Variants in RBFOX1 observed in about 807,000 individuals in gnomAD.
The protein encoded by RBFOX1 is RNA binding fox-1 homolog 1.
Under a neutral mutation model 57.7 loss-of-function variants are expected in RBFOX1, and 8 were observed. The ratio of observed to expected loss-of-function variants is 0.14; its 90% confidence interval spans 0.08 to 0.25. The LOEUF (loss-of-function observed/expected upper bound fraction) is 0.25, where lower values mean the gene tolerates loss of function less well. Among genes scored for constraint, RBFOX1 ranks in the 10% least tolerant of loss-of-function variants. RBFOX1 has a pLI of 1.00. For missense variants in RBFOX1, 611 were observed against 548.5 expected, an observed-to-expected ratio of 1.11 and a Z score of -1.14; for synonymous variants, 326 against 222.4, an observed-to-expected ratio of 1.47 and a Z score of -4.15.
At chr16:6,825,151 C>T (rs1408346760) in intron 3 of RBFOX1, among the ~76,000 whole-genome samples, 1 of 151,294 alleles carries the variant, frequency 6.6e-6, no homozygotes, top group African/African-American at 2.4e-5. Context: ...CCTCACTCAG[C>T]ACCCTTGGCG....
intron 4 of RBFOX1, among the ~76,000 whole-genome samples, chr16:7,401,506 G>T (rs915647905): frequency 1.3e-5 from 2 of 152,086 alleles, no homozygotes; most frequent in African/African-American, 2.4e-5. Flanking sequence ...GATTAGGTAG[G>T]TAAAAAATAG....
chr16:6,953,320 C>G (rs903765950), intron 3 of RBFOX1, among the ~76,000 whole-genome samples: 1 of 152,106 alleles, frequency 6.6e-6, no homozygotes, highest in African/African-American at 2.4e-5. Flanking sequence ...TTTATGGAGT[C>G]TCTTTCACCA....
At chr16:5,464,628 G>T (rs1033955227) in intron 1 of RBFOX1, among the ~76,000 whole-genome samples, 1 of 89,746 alleles carries the variant, frequency 1.1e-5, no homozygotes, top group Non-Finnish European at 2.4e-5. Context: ...TCCCCAGACT[G>T]TAGGGCGCCA....
chr16:7,338,726 G>A (rs1202459142), intron 4 of RBFOX1, among the ~76,000 whole-genome samples: 3 of 152,116 alleles, frequency 2.0e-5, no homozygotes, highest in African/African-American at 4.8e-5. Flanking sequence ...AGAAACATCG[G>A]CCTTAACAAT....
At chr16:7,365,456 C>A (rs550043929) in intron 4 of RBFOX1, among the ~76,000 whole-genome samples, 1 of 152,178 alleles carries the variant, frequency 6.6e-6, no homozygotes. Flanking sequence ...AAAATTCTTT[C>A]AGTGAGTGAT....
chr16:5,735,619 G>A (rs1170100760), intron 3 of RBFOX1, among the ~76,000 whole-genome samples: 2 of 152,102 alleles, frequency 1.3e-5, no homozygotes, highest in South Asian at 2.1e-4. Flanking sequence ...TGCATGGGCC[G>A]GGCCCAGTGG....
At position 5,693,015 on chromosome 16, in the gene RBFOX1, C is replaced by G. The variant is rs11863791; in HGVS notation, c.318+94054C>G. Among the ~76,000 whole-genome samples the G allele has an allele frequency of 8.1e-3, 1,233 of 152,292 alleles. 24 individuals carry two copies. The highest frequency in any genetic ancestry group is 0.028 in the African/African-American group (1,183 of 41,562). On this transcript the variant is annotated intron_variant, in intron 3 of 19. Coordinates refer to the RBFOX1 transcript ENST00000641259. The stretch of plus-strand genomic sequence containing the variant: ...CACTATTTTTCCAGCTTCCCCCCAG[C>G]TCTGGATGTCAACTGAAGGTGTTTT...
chr16:6,029,641 C>T (rs1236158014), intron 1 of RBFOX1, among the ~76,000 whole-genome samples: 6 of 151,874 alleles, frequency 4.0e-5, no homozygotes, highest in South Asian at 2.1e-4. Context: ...GGCGTGGTGG[C>T]GGGTGCCTGT....
At chr16:5,802,533 T>C (rs1332433439) in intron 3 of RBFOX1, among the ~76,000 whole-genome samples, 1 of 152,170 alleles carries the variant, frequency 6.6e-6, no homozygotes, top group Non-Finnish European at 1.5e-5. Context: ...TCAGAGGGAA[T>C]GCTCAGAGGT....
intron 3 of RBFOX1, among the ~76,000 whole-genome samples, chr16:6,797,510 A>G (rs1170671823): frequency 1.3e-5 from 2 of 152,164 alleles, no homozygotes; most frequent in African/African-American, 2.4e-5. Context: ...TGCTGATTTC[A>G]GGTTCCTGTG....
intron 3 of RBFOX1, among the ~76,000 whole-genome samples, chr16:5,863,059 C>G (rs1022374163): frequency 6.6e-6 from 1 of 152,106 alleles, no homozygotes; most frequent in African/African-American, 2.4e-5. Flanking sequence ...CTTTGGAGTT[C>G]GACCTGAGTT....
At chr16:5,367,831 T>C (rs2065761546) in intron 1 of RBFOX1, among the ~76,000 whole-genome samples, 1 of 152,202 alleles carries the variant, frequency 6.6e-6, no homozygotes. Flanking sequence ...AACCTGGGTC[T>C]GTCTGTCTGT....
chr16:5,276,921 A>T (rs1433825616), intron 1 of RBFOX1, among the ~76,000 whole-genome samples: 1 of 152,192 alleles, frequency 6.6e-6, no homozygotes, highest in Non-Finnish European at 1.5e-5. Context: ...CTACCATTTG[A>T]TCCAGCAATC....
chr16:6,914,942 A>G (rs1215328137), intron 3 of RBFOX1, among the ~76,000 whole-genome samples: 1 of 152,226 alleles, frequency 6.6e-6, no homozygotes, highest in Non-Finnish European at 1.5e-5. Context: ...TAACTTTTAG[A>G]GAAGTAAATC....
chr16:7,218,363 T>C lies in RBFOX1; in HGVS notation c.27+166265T>C, dbSNP rs867676793. Among the ~76,000 whole-genome samples the C allele has an allele frequency of 9.8e-5, 15 of 152,308 alleles. No homozygotes were observed. The South Asian group carries it at 3.1e-3, about 32-fold the overall frequency. On this transcript the variant is annotated intron_variant, in intron 4 of 15. Coordinates refer to ENST00000550418, the MANE Select transcript of RBFOX1 (RefSeq NM_018723.4). ...TTTCTGGTTTTCACCTTCTTCAGTATGCTTCCTATGAGACAGAGTTAGAAG... is the reference window on the plus strand; with the variant it reads ...TTTCTGGTTTTCACCTTCTTCAGTACGCTTCCTATGAGACAGAGTTAGAAG...
At chr16:6,806,302 C>T (rs183823673) in intron 3 of RBFOX1, among the ~76,000 whole-genome samples, 1 of 152,018 alleles carries the variant, frequency 6.6e-6, no homozygotes, top group Non-Finnish European at 1.5e-5. Context: ...TTGTAGTAAC[C>T]TGATAATGTT....
At chr16:5,755,574 A>T (rs769531947) in intron 3 of RBFOX1, among the ~76,000 whole-genome samples, 18 of 152,146 alleles carry the variant, frequency 1.2e-4, no homozygotes, top group Non-Finnish European at 2.1e-4. Context: ...TATTTGATCA[A>T]CTTCCATCTA....
chr16:7,700,219 T>C (rs1264141990), intron 14 of RBFOX1, among the ~76,000 whole-genome samples: 1 of 152,160 alleles, frequency 6.6e-6, no homozygotes, highest in Non-Finnish European at 1.5e-5. Context: ...CCACATAAAA[T>C]AGACGAGAGG....
chr16:6,193,404 A>AC (rs58734338), intron 1 of RBFOX1, among the ~76,000 whole-genome samples: 3,033 of 90,134 alleles, frequency 0.034, 158 homozygotes, highest in African/African-American at 0.1. Context: ...ATATATATAT[A>AC]TATATATATA....
Sources: gnomAD v4.1 joint callset for allele counts (sites outside exome capture counted in the v4.1 genomes callset) on GRCh38, gnomAD v4.1.1 for gene constraint, MANE v1.5 for transcripts, NCBI Gene and HGNC (gene_info 2026-07-23, HGNC 2026-07-21) for gene names.